The following GSK3B variants were observed in gnomAD, a reference collection of about 807,000 sequenced individuals.
GSK3B encodes glycogen synthase kinase 3 beta.
Under a neutral mutation model 56.4 loss-of-function variants are expected in GSK3B, and 15 were observed. That is an observed-to-expected ratio of 0.27 (90% confidence interval 0.18 to 0.41). GSK3B has a LOEUF of 0.41. Among genes scored for constraint, GSK3B ranks in the 10% least tolerant of loss-of-function variants. The pLI is 1.00. For missense variants in GSK3B, 300 were observed against 513.4 expected, an observed-to-expected ratio of 0.58 and a Z score of 4.02; for synonymous variants, 181 against 188.9, an observed-to-expected ratio of 0.96 and a Z score of 0.34.
rs1056891376 is a variant in GSK3B at position 119,867,289 on chromosome 3, G to T, written c.910-3684C>A. 1.3e-3 allele frequency among the ~76,000 whole-genome samples: 195 copies of T among 152,298 alleles called. 2 individuals are homozygous for T. The highest frequency in any genetic ancestry group is 4.4e-3 in the African/African-American group (183 of 41,570). ...TGGATTGACTTCTCTGCTAAAAGAT[G>T]TTTCTTTGCTGACATTCTCATTATC... On this transcript the variant is annotated intron_variant, in intron 8 of 10. Coordinates refer to ENST00000264235, the MANE Select transcript of GSK3B (RefSeq NM_001146156.2).
intron 3 of GSK3B, among the ~76,000 whole-genome samples, chr3:119,925,204 C>T (rs767135533): frequency 1.2e-4 from 18 of 152,166 alleles, no homozygotes; most frequent in Non-Finnish European, 2.5e-4. Flanking sequence ...TGGTGTGCAC[C>T]TGTAGTCCCA....
intron 2 of GSK3B, among the ~76,000 whole-genome samples, chr3:119,997,426 G>A (rs1467045784): frequency 6.6e-6 from 1 of 152,054 alleles, no homozygotes. Flanking sequence ...CACATATCTA[G>A]ATTAAAAAAG....
At chr3:119,953,141 T>C (rs749827859) in intron 2 of GSK3B, among the ~76,000 whole-genome samples, 1 of 152,160 alleles carries the variant, frequency 6.6e-6, no homozygotes, top group Non-Finnish European at 1.5e-5. Flanking sequence ...CTAAAGTTAA[T>C]GGTGATAAAT....
intron 2 of GSK3B, among the ~76,000 whole-genome samples, chr3:119,972,300 C>A (rs2057374859): frequency 1.3e-5 from 2 of 152,044 alleles, no homozygotes; most frequent in Non-Finnish European, 2.9e-5. Flanking sequence ...TGATAGGCAT[C>A]ATAAGAAATC....
chr3:120,088,741 G>C (rs1013115334), intron 1 of GSK3B, among the ~76,000 whole-genome samples: 15 of 152,200 alleles, frequency 9.9e-5, no homozygotes, highest in African/African-American at 3.1e-4. Flanking sequence ...GAACCCGGTT[G>C]GTCCTGTTAG....
At position 119,956,946 on chromosome 3, in the gene GSK3B, A is replaced by G. The variant is rs532532938; in HGVS notation, c.283-9595T>C. Among the ~76,000 whole-genome samples the G allele has an allele frequency of 3.3e-5, 5 of 152,386 alleles. No homozygotes were observed. The South Asian group carries it at 8.3e-4, about 25-fold the overall frequency. ...GGGGAAAAGCAGTCAGACAATATTT[A>G]TAAGAATGAATGTGGCTGTCTGTTT... On this transcript the variant is annotated intron_variant, in intron 2 of 10. Transcript: ENST00000264235.
chr3:119,947,138 T>C, intron 3 of GSK3B, 130 bp downstream of exon 3: 1 of 639,698 alleles, frequency 1.6e-6, no homozygotes, highest in Non-Finnish European at 2.8e-6. Flanking sequence ...GGGCTGAGTA[T>C]TGCTGGGGCA....
At chr3:119,916,847 T>C (rs1373907081) in intron 4 of GSK3B, among the ~76,000 whole-genome samples, 3 of 152,168 alleles carry the variant, frequency 2.0e-5, no homozygotes, top group East Asian at 1.9e-4. Context: ...TGCCTGACTA[T>C]TGACATCATC....
At chr3:120,056,917 C>T (rs1316127848) in intron 1 of GSK3B, among the ~76,000 whole-genome samples, 6 of 152,048 alleles carry the variant, frequency 3.9e-5, no homozygotes, top group Non-Finnish European at 8.8e-5. Context: ...CCGAGGCAGG[C>T]GGGTCACTGG....
At chr3:119,878,708 A>C (rs1324756188) in intron 7 of GSK3B, among the ~76,000 whole-genome samples, 3 of 152,236 alleles carry the variant, frequency 2.0e-5, no homozygotes, top group African/African-American at 7.2e-5. Context: ...AAACAAACCA[A>C]AATGGCATCA....
chr3:120,092,464 G>A (rs1360855901), intron 1 of GSK3B, among the ~76,000 whole-genome samples: 2 of 152,126 alleles, frequency 1.3e-5, no homozygotes, highest in Non-Finnish European at 2.9e-5. Context: ...CATTTAACAG[G>A]TAATGAATGC....
intron 2 of GSK3B, among the ~76,000 whole-genome samples, chr3:119,956,683 G>T (rs2057217598): frequency 6.6e-6 from 1 of 152,130 alleles, no homozygotes; most frequent in South Asian, 2.1e-4. Flanking sequence ...TAGTCAGAAA[G>T]TAGAACCTAG....
chr3:119,884,760 T>C (rs1370950289), intron 7 of GSK3B, among the ~76,000 whole-genome samples: 1 of 152,142 alleles, frequency 6.6e-6, no homozygotes, highest in Non-Finnish European at 1.5e-5. Context: ...TTTTGTAAGA[T>C]CACGAGGTTA....
chr3:120,092,992 C>T (rs2058526858), intron 1 of GSK3B, among the ~76,000 whole-genome samples: 1 of 151,958 alleles, frequency 6.6e-6, no homozygotes, highest in Non-Finnish European at 1.5e-5. Context: ...CAAATCTTGT[C>T]CTTCTCTTTA....
At chr3:119,986,179 T>G (rs762864146) in intron 2 of GSK3B, among the ~76,000 whole-genome samples, 12 of 152,086 alleles carry the variant, frequency 7.9e-5, no homozygotes, top group Admixed American at 2.0e-4. Flanking sequence ...TATAGAAAAA[T>G]TAATTCATGA....
intron 1 of GSK3B, among the ~76,000 whole-genome samples, chr3:120,076,800 C>T (rs573922375): frequency 2.8e-5 from 3 of 105,798 alleles, no homozygotes; most frequent in African/African-American, 8.1e-5. Context: ...GGCGACAGAG[C>T]GAAACTCCGT....
intron 3 of GSK3B, among the ~76,000 whole-genome samples, chr3:119,925,523 T>C (rs975876552): frequency 9.9e-5 from 15 of 152,152 alleles, no homozygotes; most frequent in Non-Finnish European, 2.2e-4. Context: ...TTTACTTCTG[T>C]AACTAGAGAT....
chr3:119,833,404 G>A (rs752124188), intron 10 of GSK3B, among the ~76,000 whole-genome samples: 6 of 152,050 alleles, frequency 3.9e-5, no homozygotes, highest in Non-Finnish European at 5.9e-5. Context: ...TTATTGAAAT[G>A]CTCACTATCT....
chr3:119,925,993 A>G (rs2056885781), intron 3 of GSK3B, among the ~76,000 whole-genome samples: 1 of 152,108 alleles, frequency 6.6e-6, no homozygotes, highest in African/African-American at 2.4e-5. Flanking sequence ...TTCATAGGAC[A>G]CTATACTTTT....
Sources: allele counts gnomAD v4.1 joint callset (sites outside exome capture counted in the v4.1 genomes callset), GRCh38; gene constraint gnomAD v4.1.1; transcripts MANE v1.5; gene names NCBI Gene and HGNC (gene_info 2026-07-23, HGNC 2026-07-21).